The following ASS1 variants were observed in gnomAD, a reference collection of about 807,000 sequenced individuals.
The protein encoded by ASS1 is argininosuccinate synthase.
Under a neutral mutation model 60.5 loss-of-function variants are expected in ASS1, and 58 were observed. That is an observed-to-expected ratio of 0.96 (90% CI 0.78 to 1.19). The LOEUF is 1.19. Ranked by LOEUF, ASS1 falls within the 50% of genes most tolerant of loss-of-function variation. ASS1 has a pLI of 0.00. For synonymous variants in ASS1, 200 were observed against 206.9 expected (o/e 0.97, Z 0.29); for missense variants, 454 against 547.3 (o/e 0.83, Z 1.70).
rs1845837180 is a variant in ASS1 at position 130,470,327 on chromosome 9, G to T, written c.496-507G>T. On this transcript the variant is annotated intron_variant, in intron 6 of 14. Transcript: ENST00000352480. This position sits in a 1 kb window ranked among gnomAD's most constrained non-coding sequence, Gnocchi z 4.3. ...CTGCAGAGTGATGTGTGTGGCTGTT[G>T]CGCCAGGCCCAGGGAGGGGTGCCCC... 6.6e-6 allele frequency among the ~76,000 whole-genome samples: 1 copy of T among 152,190 alleles called. No individual in the cohort carries two copies. The highest frequency in any genetic ancestry group is 2.1e-4 in the South Asian group (1 of 4,834).
intron 4 of ASS1, among the ~76,000 whole-genome samples, chr9:130,462,874 G>C (rs567568555): frequency 8.5e-5 from 13 of 152,288 alleles, no homozygotes; most frequent in Admixed American, 2.6e-4. Context: ...TGAACCGTTA[G>C]GATGAGCGAG....
At chr9:130,486,259 T>C (rs1346801086) in intron 11 of ASS1, among the ~76,000 whole-genome samples, 1 of 152,076 alleles carries the variant, frequency 6.6e-6, no homozygotes, top group Non-Finnish European at 1.5e-5. Context: ...GCCCAGCTAA[T>C]TTTTTTAATT....
chr9:130,468,277 C>T (rs1845792038), intron 6 of ASS1, among the ~76,000 whole-genome samples: 2 of 152,122 alleles, frequency 1.3e-5, no homozygotes, highest in South Asian at 2.1e-4. Flanking sequence ...CAAGACGCTT[C>T]GGTAGCCAAG....
At position 130,488,210 on chromosome 9, in the gene ASS1, G is replaced by T. The variant is rs1000654029; in HGVS notation, c.839-1123G>T. Among the ~76,000 whole-genome samples, 1 of 151,158 alleles carries T rather than the reference G, an allele frequency of 6.6e-6. No individual in the cohort carries two copies. Among genetic ancestry groups the T allele is most frequent in the African/African-American group, 2.4e-5 (1 of 41,208 alleles). On this transcript the variant is annotated intron_variant, in intron 11 of 14. Transcript: ENST00000352480. This position sits in a 1 kb window ranked among gnomAD's most constrained non-coding sequence, Gnocchi z 5.2. ...ACATGAGTGTACAAATCCTTTCTGG[G>T]TTTTTTTCAAGCAGCCACTGTAGAA... is the stretch of plus-strand genomic sequence containing the variant.
intron 7 of ASS1, among the ~76,000 whole-genome samples, chr9:130,471,214 T>A (rs1845858563): frequency 6.6e-6 from 1 of 151,972 alleles, no homozygotes; most frequent in South Asian, 2.1e-4. Flanking sequence ...GGAAGAGTGT[T>A]TAAGGCAGAG....
intron 6 of ASS1, among the ~76,000 whole-genome samples, chr9:130,468,046 A>G (rs1845787938): frequency 6.6e-6 from 1 of 152,214 alleles, no homozygotes; most frequent in Non-Finnish European, 1.5e-5. Context: ...AAAGATGAGC[A>G]TGGCCCCCTC....
intron 6 of ASS1, among the ~76,000 whole-genome samples, chr9:130,468,897 A>G (rs929378768): frequency 1.3e-5 from 2 of 152,246 alleles, no homozygotes; most frequent in African/African-American, 4.8e-5. Context: ...CTCCTCAATT[A>G]CAATGAGAGT....
chr9:130,495,444 CAT>C lies in ASS1; in HGVS notation c.1127+437_1127+438del, dbSNP rs142565065. The stretch of plus-strand genomic sequence containing the variant: ...AAAAATATATATACACACACACATA[CAT>C]ATATATATATATATACACATACATA... On this transcript the variant is annotated intron_variant, in intron 13 of 14. Coordinates refer to ENST00000352480, the MANE Select transcript of ASS1 (RefSeq NM_054012.4). 6.2e-3 allele frequency among the ~76,000 whole-genome samples: 868 copies of C among 139,226 alleles called. 10 individuals carry two copies. The highest frequency in any genetic ancestry group is 0.022 in the Middle Eastern group (6 of 276). The allele number at this position is 139,226 out of a possible 152,430, so 91.3% of individuals were successfully genotyped here.
intron 13 of ASS1, among the ~76,000 whole-genome samples, chr9:130,498,036 G>A (rs949584266): frequency 6.6e-6 from 1 of 152,064 alleles, no homozygotes; most frequent in African/African-American, 2.4e-5. Context: ...CATCAAGGAG[G>A]TACAGGAGCA....
intron 3 of ASS1, among the ~76,000 whole-genome samples, chr9:130,455,440 TATCCATCCATTCATCC>T (rs1845427142): frequency 6.6e-6 from 1 of 150,898 alleles, no homozygotes; most frequent in African/African-American, 2.4e-5. Flanking sequence ...ACCGTTTTTC[TATCCATCCATTCATCC>T]ATCCATCCAT....
Position 130,494,977 on chromosome 9 carries a change from C to G in ASS1, c.1081C>G (p.Leu361Val). 6.2e-7 allele frequency: 1 copy of G among 1,613,478 alleles called. No individual in the cohort carries two copies. Among genetic ancestry groups the G allele is most frequent in the Non-Finnish European group, 8.5e-7 (1 of 1,179,994 alleles). ...VSVLKGQVYI[L>V]GRESPLSLYN... ...CGTCCTCAAGGGCCAGGTGTACATC[C>G]TCGGCCGGGAGTCCCCACTGTCTCT... Residue 361 changes from leucine to valine, a missense_variant, in exon 13 of 15, where the codon CTC becomes GTC. Transcript: ENST00000352480. This position sits in a 1 kb window ranked among gnomAD's most constrained non-coding sequence, Gnocchi z 4.3.
At chr9:130,500,446 T>C (rs1446137071) in intron 14 of ASS1, among the ~76,000 whole-genome samples, 1 of 152,118 alleles carries the variant, frequency 6.6e-6, no homozygotes, top group African/African-American at 2.4e-5. Flanking sequence ...TCATGGGGAT[T>C]GGAGTCTAGA....
rs1846535497 is a variant in ASS1 at position 130,494,697 on chromosome 9, T to C, written c.971-170T>C. Among the ~76,000 whole-genome samples, 1 of 152,220 alleles carries C rather than the reference T, an allele frequency of 6.6e-6. No homozygotes were observed. The highest frequency in any genetic ancestry group is 2.4e-5 in the African/African-American group (1 of 41,458). ...GTTAGAGGGCAGGGCTATGAAAGCA[T>C]GGTCCTCAACTCAGCCACTGGCAAG... On this transcript the variant is annotated intron_variant, in intron 12 of 14. Coordinates refer to ENST00000352480, the MANE Select transcript of ASS1 (RefSeq NM_054012.4). This position sits in a 1 kb window ranked among gnomAD's most constrained non-coding sequence, Gnocchi z 4.3.
At chr9:130,472,772 A>AAGGGAGGC (rs1163928031) in intron 8 of ASS1, among the ~76,000 whole-genome samples, 1 of 152,160 alleles carries the variant, frequency 6.6e-6, no homozygotes. Flanking sequence ...AGTCAGCTCC[A>AAGGGAGGC]AGGGAGGCAG....
At chr9:130,446,654 G>A (rs568095649) in intron 1 of ASS1, among the ~76,000 whole-genome samples, 1 of 152,200 alleles carries the variant, frequency 6.6e-6, no homozygotes, top group Non-Finnish European at 1.5e-5. Context: ...GCCCAGGGCC[G>A]CAGGAGCCTT....
chr9:130,466,366 G>A lies in ASS1; in HGVS notation c.421-359G>A, dbSNP rs1052225226. 5 of 366,510 alleles carry A rather than the reference G, an allele frequency of 1.4e-5. No individual in the cohort carries two copies. In the East Asian group the frequency reaches 3.2e-4, roughly 24 times the overall value. 22.7% of individuals were successfully genotyped at this position (366,510 alleles called of 1,614,324 possible). On this transcript the variant is annotated intron_variant, in intron 5 of 14. Coordinates refer to ENST00000352480, the MANE Select transcript of ASS1 (RefSeq NM_054012.4). ...GCGGCAGCTCTGTGGACTCTCCCTG[G>A]GTCACGGCAGTGGCCCTGTGGCTGA...
chr9:130,473,087 G>A (rs1845911492), intron 8 of ASS1, among the ~76,000 whole-genome samples: 1 of 152,174 alleles, frequency 6.6e-6, no homozygotes, highest in South Asian at 2.1e-4. Context: ...GAGGGCATTG[G>A]GTGGAGAAGT....
intron 5 of ASS1, among the ~76,000 whole-genome samples, chr9:130,466,271 C>G (rs573540085): frequency 6.6e-6 from 1 of 152,324 alleles, no homozygotes; most frequent in African/African-American, 2.4e-5. Context: ...CCCTTCCACA[C>G]CCAGAGAAGT....
chr9:130,479,837 C>T (rs201610258), intron 10 of ASS1, 37 bp downstream of exon 10: 60 of 1,593,916 alleles, frequency 3.8e-5, no homozygotes, highest in Non-Finnish European at 4.8e-5. Flanking sequence ...TCTTGGGAAC[C>T]GCCGTCTCGG....
Sources: allele counts gnomAD v4.1 joint callset (sites outside exome capture counted in the v4.1 genomes callset), GRCh38; gene constraint gnomAD v4.1.1; non-coding constraint Gnocchi (gnomAD v3.1); transcripts MANE v1.5; gene names NCBI Gene and HGNC (gene_info 2026-07-23, HGNC 2026-07-21).